Variants in DRAXIN observed in about 807,000 individuals in gnomAD.
The protein encoded by DRAXIN is dorsal repulsive axon guidance protein.
In DRAXIN, 27 loss-of-function variants were observed where a neutral mutation model predicts 33.9. That is an observed-to-expected ratio of 0.80 (90% CI 0.59 to 1.10). The LOEUF is 1.10. DRAXIN is among the 50% of genes least tolerant of loss of function. The pLI is 0.00. For synonymous variants in DRAXIN, 178 were observed against 194.0 expected (o/e 0.92, Z 0.69); for missense variants, 371 against 460.8 (o/e 0.81, Z 1.78).
At chr1:11,715,267 T>C in intron 6 of DRAXIN, 59 bp downstream of exon 6, 1 of 1,604,516 alleles carries the variant, frequency 6.2e-7, no homozygotes, top group African/African-American at 1.3e-5. Context: ...AAAGCCTCCC[T>C]TTCTCGAAGC....
At position 11,722,340 on chromosome 1, in the gene DRAXIN, G is replaced by A. The variant is rs1641669675; in HGVS notation, c.*2644G>A. The stretch of plus-strand genomic sequence containing the variant: ...ATGGTCCTAGGACATCAGCCATGGA[G>A]AACACAGAGGGTCAGGACAAAGCTA... On this transcript the variant is annotated 3_prime_UTR_variant, in exon 7 of 7. Coordinates refer to ENST00000294485, the MANE Select transcript of DRAXIN (RefSeq NM_198545.4). 1 of 152,224 alleles carries A rather than the reference G, an allele frequency of 6.6e-6. No homozygotes were observed. The highest frequency in any genetic ancestry group is 1.5e-5 in the Non-Finnish European group (1 of 68,052). 9.4% of individuals were successfully genotyped at this position (152,224 alleles called of 1,614,324 possible).
chr1:11,712,031 G>T (rs755037665), intron 4 of DRAXIN, 66 bp downstream of exon 4: 1 of 1,519,106 alleles, frequency 6.6e-7, no homozygotes. Flanking sequence ...ATCTGTTGAG[G>T]TGGGGGCCCC....
At chr1:11,712,626 C>T (rs1283440068) in intron 5 of DRAXIN, among the ~76,000 whole-genome samples, 197 bp downstream of exon 5, 2 of 152,208 alleles carry the variant, frequency 1.3e-5, no homozygotes, top group African/African-American at 4.8e-5. Context: ...CAGCCAGGCA[C>T]GGTGGCTCAC....
intron 3 of DRAXIN, among the ~76,000 whole-genome samples, chr1:11,709,699 T>G (rs539262538): frequency 6.6e-6 from 1 of 152,190 alleles, no homozygotes; most frequent in Non-Finnish European, 1.5e-5. Context: ...GGGCCCACTC[T>G]GGGGACAGCC....
At chr1:11,700,710 C>T (rs79991852) in intron 1 of DRAXIN, among the ~76,000 whole-genome samples, 2,385 of 152,312 alleles carry the variant, frequency 0.016, 59 homozygotes, top group African/African-American at 0.055. Context: ...CTCCGGTTCT[C>T]CCCGTGGGGG....
At chr1:11,686,994 G>A (rs1459409450), upstream of DRAXIN, among the ~76,000 whole-genome samples, 1 of 152,108 alleles carries the variant, frequency 6.6e-6, no homozygotes, top group Non-Finnish European at 1.5e-5. Flanking sequence ...TGCCCAAAGT[G>A]TGTTGCCAGG....
chr1:11,717,849 G>T (rs1379985059), intron 6 of DRAXIN, among the ~76,000 whole-genome samples: 4 of 138,244 alleles, frequency 2.9e-5, no homozygotes, highest in Admixed American at 1.5e-4. Context: ...AAAAAAATTA[G>T]CCGGGTGTGG....
intron 2 of DRAXIN, among the ~76,000 whole-genome samples, 161 bp from the exon 3 acceptor site, chr1:11,709,114 C>T (rs897551859): frequency 6.6e-6 from 1 of 152,236 alleles, no homozygotes; most frequent in Non-Finnish European, 1.5e-5. Flanking sequence ...CATCCCCCAA[C>T]CTCCCAAGAA....
rs1641375905 is a variant in DRAXIN, at chr1:11,706,197, G to A, written c.-10-52G>A. ...TGGGCTTTAATCATTTGAGTGAGGG[G>A]CAGCAGAGAGAGGCCTGGGGCTGCG... On this transcript the variant is annotated intron_variant, in intron 1 of 6. Coordinates refer to ENST00000294485, the MANE Select transcript of DRAXIN (RefSeq NM_198545.4). This position sits in a 1 kb window ranked among gnomAD's most constrained non-coding sequence, Gnocchi z 5.5. 1 of 1,431,794 alleles carries A rather than the reference G, an allele frequency of 7.0e-7. No individual in the cohort carries two copies. The highest frequency in any genetic ancestry group is 1.4e-5 in the African/African-American group (1 of 69,744). 88.7% of individuals were successfully genotyped at this position (1,431,794 alleles called of 1,614,324 possible).
chr1:11,719,265 T>A (rs1641624062), intron 6 of DRAXIN, among the ~76,000 whole-genome samples: 1 of 152,220 alleles, frequency 6.6e-6, no homozygotes, highest in Non-Finnish European at 1.5e-5. Flanking sequence ...CTAACTGAAG[T>A]CAACGTAAGT....
At chr1:11,716,179 T>C (rs1641574924) in intron 6 of DRAXIN, among the ~76,000 whole-genome samples, 1 of 152,238 alleles carries the variant, frequency 6.6e-6, no homozygotes, top group Non-Finnish European at 1.5e-5. Context: ...AGTTTCAATT[T>C]TGTATTCTGC....
At chr1:11,719,539 A>G in intron 6 of DRAXIN, 45 bp from the exon 7 acceptor site, 1 of 1,528,232 alleles carries the variant, frequency 6.5e-7, no homozygotes, top group Non-Finnish European at 8.9e-7. Flanking sequence ...AGGGGAGGGC[A>G]CGGGCCCTTC....
chr1:11,719,963 G>A lies in DRAXIN; in HGVS notation c.*267G>A. 1 of 470,150 alleles carries A rather than the reference G, an allele frequency of 2.1e-6. No individual in the cohort carries two copies. Among genetic ancestry groups the A allele is most frequent in the Non-Finnish European group, 3.9e-6 (1 of 253,388 alleles). The allele number at this position is 470,150 out of a possible 1,614,324, so 29.1% of individuals were successfully genotyped here. A position where few individuals can be genotyped will look rare whatever the true frequency, so the allele number is the denominator to read the frequency against. Reference sequence around the variant, plus strand: ...GCTCTCCGCGATGGCAATGCCGAGAGTGCCCTCTACTGTCCGACTCCAGCA... The same window carrying A: ...GCTCTCCGCGATGGCAATGCCGAGAATGCCCTCTACTGTCCGACTCCAGCA... On this transcript the variant is annotated 3_prime_UTR_variant, in exon 7 of 7. Coordinates refer to ENST00000294485, the MANE Select transcript of DRAXIN (RefSeq NM_198545.4).
At chr1:11,712,318 C>A in intron 4 of DRAXIN, 22 bp from the exon 5 acceptor site, 3 of 1,613,612 alleles carry the variant, frequency 1.9e-6, no homozygotes, top group South Asian at 1.1e-5. Flanking sequence ...CAGCTTCTGA[C>A]GACAGATCTT....
intron 6 of DRAXIN, among the ~76,000 whole-genome samples, chr1:11,716,939 G>A (rs1029499211): frequency 3.3e-5 from 5 of 152,242 alleles, no homozygotes; most frequent in African/African-American, 1.2e-4. Context: ...TTACATTCTA[G>A]TGATATGAGC....
chr1:11,705,797 T>C lies in DRAXIN; in HGVS notation c.-10-452T>C, dbSNP rs528294814. Among the ~76,000 whole-genome samples the C allele has an allele frequency of 3.4e-4, 51 of 152,162 alleles. No homozygotes were observed. Among genetic ancestry groups the C allele is most frequent in the Admixed American group, 7.2e-4 (11 of 15,274 alleles). ...CTCAAACGCTATTATTCCATTTGTA[T>C]GGAATTAGGCTCCGAGTCAAGTCTC... is the stretch of plus-strand genomic sequence containing the variant. On this transcript the variant is annotated intron_variant, in intron 1 of 6. Coordinates refer to ENST00000294485, the MANE Select transcript of DRAXIN (RefSeq NM_198545.4). This position sits in a 1 kb window ranked among gnomAD's most constrained non-coding sequence, Gnocchi z 4.8.
chr1:11,692,159 C>T lies in DRAXIN; in HGVS notation c.-11+306C>T, dbSNP rs923651907. Among the ~76,000 whole-genome samples, 1 of 152,208 alleles carries T rather than the reference C, an allele frequency of 6.6e-6. No homozygotes were observed. The highest frequency in any genetic ancestry group is 2.4e-5 in the African/African-American group (1 of 41,460). The stretch of plus-strand genomic sequence containing the variant: ...CACTCGGCCTCGCGCGCGCCCTCGC[C>T]GCCCTCTGGGGTCCCGGCTCGCACC... On this transcript the variant is annotated intron_variant, in intron 1 of 6. Coordinates refer to ENST00000294485, the MANE Select transcript of DRAXIN (RefSeq NM_198545.4). This position sits in a 1 kb window ranked among gnomAD's most constrained non-coding sequence, Gnocchi z 5.8.
chr1:11,689,572 G>A (rs1294627968), upstream of DRAXIN, among the ~76,000 whole-genome samples: 3 of 152,122 alleles, frequency 2.0e-5, no homozygotes, highest in Non-Finnish European at 4.4e-5. Flanking sequence ...CTCCAGCCTG[G>A]GTGAGAGCAA....
chr1:11,697,675 G>C (rs1336455563), intron 1 of DRAXIN, among the ~76,000 whole-genome samples: 1 of 152,138 alleles, frequency 6.6e-6, no homozygotes, highest in African/African-American at 2.4e-5. Flanking sequence ...CTGGCATCCT[G>C]GTTCTGCACA....
Sources: gnomAD v4.1 joint callset for allele counts (sites outside exome capture counted in the v4.1 genomes callset) on GRCh38, gnomAD v4.1.1 for gene constraint, Gnocchi (gnomAD v3.1) non-coding constraint, MANE v1.5 for transcripts, NCBI Gene and HGNC (gene_info 2026-07-23, HGNC 2026-07-21) for gene names.